Variants in ZNF782 observed in about 807,000 individuals in gnomAD.
The protein encoded by ZNF782 is zinc finger protein 782.
Under a neutral mutation model 13.0 loss-of-function variants are expected in ZNF782, and 12 were observed. That is an observed-to-expected ratio of 0.92 (90% CI 0.59 to 1.50). ZNF782 has a LOEUF of 1.50. ZNF782 is among the 40% of genes most tolerant of loss of function. ZNF782 has a pLI of 0.00. For missense variants in ZNF782, 770 were observed against 822.9 expected, an observed-to-expected ratio of 0.94 and a Z score of 0.79; for synonymous variants, 284 against 283.0, an observed-to-expected ratio of 1.00 and a Z score of -0.04.
At chr9:96,892,397 A>G in the ZNF782 span, 3 of 152,210 alleles carry the variant, frequency 2.0e-5, no homozygotes, top group Non-Finnish European at 4.4e-5. Context: ...TCTGAGTGGA[A>G]TTGCTGGGAA....
At chr9:96,905,602 G>C in the ZNF782 span, among the ~76,000 whole-genome samples, 1 of 150,906 alleles carries the variant, frequency 6.6e-6, no homozygotes, top group Non-Finnish European at 1.5e-5. Context: ...TTTTGAGACT[G>C]AGTCTTGCTC....
upstream of ZNF782, among the ~76,000 whole-genome samples, chr9:96,879,556 G>C (rs1019116578): frequency 1.3e-5 from 2 of 152,124 alleles, no homozygotes; most frequent in Non-Finnish European, 2.9e-5. Flanking sequence ...TAATAAAAGG[G>C]ACTTTTACAA....
At position 96,818,390 on chromosome 9, in the gene ZNF782, G is replaced by C; in HGVS notation, c.1633C>G (p.Gln545Glu). ...TGATGTCCTCTGAGTTGTGATTTCT[G>C]ACCGAAAGCTTTTCCACACTGATTA... ...KCNQCGKAFG[Q>E]KSQLRGHHRI... Residue 545 changes from glutamine to glutamate, a missense_variant, in exon 6 of 6, where the codon CAG (glutamine) becomes GAG (glutamate). By Grantham distance (29) the Gln-to-Glu change is conservative (BLOSUM62 2). Coordinates refer to ENST00000481138, the MANE Select transcript of ZNF782 (RefSeq NM_001001662.3). 1 of 1,613,278 alleles carries C rather than the reference G, an allele frequency of 6.2e-7. No individual in the cohort carries two copies. Among genetic ancestry groups the C allele is most frequent in the Non-Finnish European group, 8.5e-7 (1 of 1,179,828 alleles).
chr9:96,911,063 G>A, the ZNF782 span, among the ~76,000 whole-genome samples: 2 of 148,406 alleles, frequency 1.3e-5, no homozygotes, highest in Admixed American at 6.8e-5. Flanking sequence ...ACCAGCCTTC[G>A]GACCGTTCTC....
the ZNF782 span, among the ~76,000 whole-genome samples, chr9:96,922,489 AAGGCC>A: frequency 6.6e-6 from 1 of 152,252 alleles, no homozygotes; most frequent in Non-Finnish European, 1.5e-5. Flanking sequence ...TTATCTAAAG[AAGGCC>A]AGGCACGGTG....
chr9:96,820,400 T>C (rs1239831363), intron 5 of ZNF782, among the ~76,000 whole-genome samples: 28 of 152,224 alleles, frequency 1.8e-4, no homozygotes. Context: ...CTGTCTGCAT[T>C]ATCATCAAAG....
intron 3 of ZNF782, among the ~76,000 whole-genome samples, chr9:96,859,802 A>G (rs1410657418): frequency 6.6e-6 from 1 of 152,180 alleles, no homozygotes; most frequent in Non-Finnish European, 1.5e-5. Context: ...AGTGGAGAAG[A>G]GCACCCAGTG....
At chr9:96,857,588 G>C (rs1003238042), upstream of ZNF782, among the ~76,000 whole-genome samples, 1 of 152,212 alleles carries the variant, frequency 6.6e-6, no homozygotes, top group Admixed American at 6.5e-5. Context: ...AACCAAACTA[G>C]AAGAGGATTG....
At chr9:96,924,891 G>A in the ZNF782 span, among the ~76,000 whole-genome samples, 1 of 152,196 alleles carries the variant, frequency 6.6e-6, no homozygotes, top group African/African-American at 2.4e-5. Flanking sequence ...TGGGCGTCCC[G>A]CAGGGCCCCG....
chr9:96,879,749 T>TA (rs1851940111), upstream of ZNF782, among the ~76,000 whole-genome samples: 1 of 152,246 alleles, frequency 6.6e-6, no homozygotes, highest in Non-Finnish European at 1.5e-5. Flanking sequence ...GGAGCAATTG[T>TA]AATAAGCTTA....
Position 96,817,397 on chromosome 9 carries a change from CAGA to C in ZNF782, c.*523_*525del, listed in dbSNP as rs1221537755. 1 of 152,530 alleles carries C rather than the reference CAGA, an allele frequency of 6.6e-6. No individual in the cohort carries two copies. Among genetic ancestry groups the C allele is most frequent in the Non-Finnish European group, 1.5e-5 (1 of 68,340 alleles). The allele number at this position is 152,530 out of a possible 1,614,324, so 9.4% of individuals were successfully genotyped here. On this transcript the variant is annotated 3_prime_UTR_variant, in exon 6 of 6. Coordinates refer to ENST00000481138, the MANE Select transcript of ZNF782 (RefSeq NM_001001662.3). ...TAGGTTAAAATGAGGGTTGACATGG[CAGA>C]AGAATTTCCCACATCCATTAACTTC...
intron 4 of ZNF782, 57 bp downstream of exon 4, chr9:96,844,833 A>G (rs1851297431): frequency 6.2e-7 from 1 of 1,612,226 alleles, no homozygotes. Flanking sequence ...GAGAGAGAGA[A>G]AGAGAGGAGA....
At chr9:96,911,200 G>A in the ZNF782 span, among the ~76,000 whole-genome samples, 2 of 144,834 alleles carry the variant, frequency 1.4e-5, no homozygotes, top group Admixed American at 6.9e-5. Context: ...AGCACTTTGG[G>A]AGGCCGAGGC....
the ZNF782 span, among the ~76,000 whole-genome samples, chr9:96,930,342 G>A: frequency 9.2e-5 from 14 of 152,238 alleles, no homozygotes; most frequent in South Asian, 2.9e-3. Flanking sequence ...TGACCAATAT[G>A]GTGAAACCCC....
chr9:96,820,243 A>C (rs916105171), intron 5 of ZNF782, among the ~76,000 whole-genome samples: 4 of 152,228 alleles, frequency 2.6e-5, no homozygotes, highest in Non-Finnish European at 5.9e-5. Context: ...ATTCTTATAC[A>C]AATATAAATT....
In ZNF782 at chr9:96,819,762, A is replaced by G. The variant is rs1473121913; in HGVS notation, c.261T>C (p.Asp87=). 1.9e-6 allele frequency: 3 copies of G among 1,603,176 alleles called. No individual in the cohort carries two copies. Among genetic ancestry groups the G allele is most frequent in the Non-Finnish European group, 1.7e-6 (2 of 1,176,014 alleles). The change falls in exon 6 of 6, where the codon GAT becomes GAC. Residue 87 remains aspartate, a synonymous_variant. Coordinates refer to ENST00000481138, the MANE Select transcript of ZNF782 (RefSeq NM_001001662.3). ...SRNSPEDSQP[D]EISEKSPENQ... ...TTTCTGGGCTCTTCTCTGAGATTTC[A>G]TCAGGTTGGGAGTCTTCTAAAAATG...
At chr9:96,894,629 TC>T in the ZNF782 span, 1 of 152,214 alleles carries the variant, frequency 6.6e-6, no homozygotes, top group Non-Finnish European at 1.5e-5. Flanking sequence ...ATTGCATTGG[TC>T]CCTGTATCTA....
At chr9:96,842,309 C>G (rs553567985) in intron 4 of ZNF782, among the ~76,000 whole-genome samples, 2 of 151,768 alleles carry the variant, frequency 1.3e-5, no homozygotes, top group Non-Finnish European at 2.9e-5. Context: ...CTATCAAACA[C>G]CCAGTAAGAT....
At chr9:96,898,117 T>G in the ZNF782 span, 1 of 149,328 alleles carries the variant, frequency 6.7e-6, no homozygotes, top group African/African-American at 2.5e-5. Flanking sequence ...TTGCTCACCC[T>G]GAAGGAGTCT....
Sources: allele counts gnomAD v4.1 joint callset (sites outside exome capture counted in the v4.1 genomes callset), GRCh38; gene constraint gnomAD v4.1.1; transcripts MANE v1.5; gene names NCBI Gene and HGNC (gene_info 2026-07-23, HGNC 2026-07-21).